PTPRG: variants seen among roughly 807,000 people sequenced by gnomAD.
The protein encoded by PTPRG is receptor-type tyrosine-protein phosphatase gamma.
A neutral mutation model predicts 165.3 loss-of-function variants in PTPRG; 102 were observed. The ratio of observed to expected loss-of-function variants is 0.62; its 90% CI spans 0.53 to 0.73. The LOEUF (loss-of-function observed/expected upper bound fraction) is 0.73, where lower values mean the gene tolerates loss of function less well. Among genes scored for constraint, PTPRG ranks in the 30% least tolerant of loss-of-function variants. The pLI is 0.00. For missense variants in PTPRG, 1,866 were observed against 1,861.4 expected, an observed-to-expected ratio of 1.00 and a Z score of -0.05; for synonymous variants, 675 against 669.5, an observed-to-expected ratio of 1.01 and a Z score of -0.13.
In PTPRG at chr3:62,198,521, C is replaced by T. The variant is rs149737536; in HGVS notation, c.1328-2984C>T. 4.4e-3 allele frequency among the ~76,000 whole-genome samples: 666 copies of T among 152,298 alleles called. 4 individuals carry two copies. The highest frequency in any genetic ancestry group is 0.015 in the African/African-American group (643 of 41,552). Reference sequence around the variant, plus strand: ...AAATGGGGGTTTATATGCTTCTTCTCTGAGCCACAGACTCATCCGTGGCAA... The same window carrying T: ...AAATGGGGGTTTATATGCTTCTTCTTTGAGCCACAGACTCATCCGTGGCAA... On this transcript the variant is annotated intron_variant, in intron 10 of 29. Transcript: ENST00000474889.
intron 2 of PTPRG, among the ~76,000 whole-genome samples, chr3:61,885,668 T>TCTCCTCTCCC (rs1559669070): frequency 2.8e-3 from 17 of 6,060 alleles, no homozygotes; most frequent in Non-Finnish European, 7.0e-3. Flanking sequence ...TCTCCTCTCC[T>TCTCCTCTCCC]CTCCTCTCCT....
intron 2 of PTPRG, among the ~76,000 whole-genome samples, chr3:61,787,933 CT>C (rs917094031): frequency 6.6e-6 from 1 of 152,126 alleles, no homozygotes; most frequent in Non-Finnish European, 1.5e-5. Context: ...CCAGTGGTGT[CT>C]TTTTTTCTTG....
At chr3:62,054,775 C>T (rs565653793) in intron 4 of PTPRG, among the ~76,000 whole-genome samples, 9 of 152,320 alleles carry the variant, frequency 5.9e-5, no homozygotes, top group East Asian at 1.9e-4. Flanking sequence ...ATTTATGAAG[C>T]GTACGGGAGT....
At chr3:62,226,488 T>G (rs4560291) in intron 13 of PTPRG, among the ~76,000 whole-genome samples, 54,537 of 152,172 alleles carry the variant, frequency 0.36, 10,867 homozygotes, top group African/African-American at 0.54. Context: ...AGAAGATTTT[T>G]ATGTTGAATA....
At chr3:62,040,732 G>T (rs1014738962) in intron 4 of PTPRG, among the ~76,000 whole-genome samples, 3 of 152,254 alleles carry the variant, frequency 2.0e-5, no homozygotes, top group East Asian at 1.9e-4. Flanking sequence ...GTGAGCCACC[G>T]TGCCCAGCCG....
chr3:61,638,594 T>TA (rs1701982392), intron 1 of PTPRG, among the ~76,000 whole-genome samples: 2 of 114,666 alleles, frequency 1.7e-5, no homozygotes, highest in African/African-American at 8.4e-5. Flanking sequence ...CTGGCTAGTT[T>TA]TTTTTTTTTT....
intron 15 of PTPRG, among the ~76,000 whole-genome samples, chr3:62,253,906 T>G (rs963635544): frequency 6.6e-6 from 1 of 152,226 alleles, no homozygotes; most frequent in African/African-American, 2.4e-5. Context: ...CTAAGCAACT[T>G]GGATTATGAA....
In PTPRG at chr3:62,108,360, C is replaced by T. The variant is rs535553317; in HGVS notation, c.616-24242C>T. Among the ~76,000 whole-genome samples the T allele has an allele frequency of 5.9e-5, 9 of 152,308 alleles. No individual in the cohort carries two copies. The East Asian group carries it at 1.7e-3, about 29-fold the overall frequency. On this transcript the variant is annotated intron_variant, in intron 5 of 29. Transcript: ENST00000474889. ...GTTTCCAGCTTCATCCATGTCCCTG[C>T]AAAGGAGATGAACTCATCCTTTTTA...
intron 5 of PTPRG, among the ~76,000 whole-genome samples, chr3:62,122,955 C>T (rs367857577): frequency 3.9e-4 from 59 of 152,272 alleles, no homozygotes; most frequent in African/African-American, 1.3e-3. Flanking sequence ...ATCATCAGTT[C>T]TATGAGGGCA....
chr3:62,246,966 G>T (rs1701301236), intron 15 of PTPRG, among the ~76,000 whole-genome samples: 1 of 151,964 alleles, frequency 6.6e-6, no homozygotes, highest in Non-Finnish European at 1.5e-5. Flanking sequence ...TGTGCAGCAG[G>T]GTGAAGTTGA....
At chr3:61,855,959 G>T (rs1461889789) in intron 2 of PTPRG, among the ~76,000 whole-genome samples, 1 of 151,814 alleles carries the variant, frequency 6.6e-6, no homozygotes, top group Non-Finnish European at 1.5e-5. Flanking sequence ...TATCCCTCTG[G>T]CCACATAACT....
intron 8 of PTPRG, among the ~76,000 whole-genome samples, chr3:62,178,201 G>A (rs1374972275): frequency 6.6e-6 from 1 of 151,782 alleles, no homozygotes; most frequent in Non-Finnish European, 1.5e-5. Flanking sequence ...GTGGATCCAT[G>A]GATGGATGGG....
At chr3:62,264,542 C>A in intron 17 of PTPRG, among the ~76,000 whole-genome samples, 1 of 152,234 alleles carries the variant, frequency 6.6e-6, no homozygotes, top group Middle Eastern at 3.4e-3. Flanking sequence ...CAGATTCATA[C>A]TATATGTGAC....
chr3:62,006,567 T>A (rs2041303069), intron 4 of PTPRG, among the ~76,000 whole-genome samples: 2 of 152,170 alleles, frequency 1.3e-5, no homozygotes, highest in Non-Finnish European at 2.9e-5. Context: ...TTTATCAGCA[T>A]TGGGGGCATT....
At chr3:62,066,757 TG>T (rs1293449135) in intron 4 of PTPRG, among the ~76,000 whole-genome samples, 2 of 152,230 alleles carry the variant, frequency 1.3e-5, no homozygotes, top group East Asian at 3.9e-4. Context: ...AGTGCTCTCC[TG>T]GCTGGGCGCG....
At chr3:62,092,439 G>GAGAAAAA (rs1701970835) in intron 5 of PTPRG, among the ~76,000 whole-genome samples, 1 of 89,436 alleles carries the variant, frequency 1.1e-5, no homozygotes, top group Non-Finnish European at 2.1e-5. Flanking sequence ...GAGTCCATCT[G>GAGAAAAA]AAAAAAAAAA....
At chr3:62,166,100 T>G (rs1188784543) in intron 7 of PTPRG, among the ~76,000 whole-genome samples, 1 of 151,702 alleles carries the variant, frequency 6.6e-6, no homozygotes, top group Non-Finnish European at 1.5e-5. Context: ...CACCAGAGGA[T>G]CCAGATGGGC....
At chr3:61,722,525 G>A (rs956838227) in intron 1 of PTPRG, among the ~76,000 whole-genome samples, 1 of 152,148 alleles carries the variant, frequency 6.6e-6, no homozygotes, top group African/African-American at 2.4e-5. Context: ...ACAGGATGGG[G>A]CATCCAGCCC....
intron 5 of PTPRG, among the ~76,000 whole-genome samples, chr3:62,081,262 AAACAAAC>A (rs1559785974): frequency 0.016 from 515 of 31,760 alleles, 15 homozygotes; most frequent in Middle Eastern, 0.13. Flanking sequence ...GTCTCAAAAC[AAACAAAC>A]AAACAAACAA....
Sources: allele counts gnomAD v4.1 joint callset (sites outside exome capture counted in the v4.1 genomes callset), GRCh38; gene constraint gnomAD v4.1.1; transcripts MANE v1.5; gene names NCBI Gene and HGNC (gene_info 2026-07-23, HGNC 2026-07-21).